Variants in SH3BGRL2 observed in about 807,000 individuals in gnomAD.
SH3BGRL2 encodes SH3 domain-binding glutamic acid-rich-like protein 2.
In SH3BGRL2, 21 loss-of-function variants were observed where a neutral mutation model predicts 14.8. That is an observed-to-expected ratio of 1.42 (90% CI 1.01 to 2.05). The LOEUF (loss-of-function observed/expected upper bound fraction) is 2.05, where lower values mean the gene tolerates loss of function less well. Ranked by LOEUF, SH3BGRL2 falls within the 30% of genes most tolerant of loss-of-function variation. SH3BGRL2 has a pLI of 0.00. For missense variants in SH3BGRL2, 147 were observed against 130.8 expected (o/e 1.12, Z -0.61); for synonymous variants, 50 against 47.8 (o/e 1.05, Z -0.19).
chr6:79,696,296 A>G (rs1003036128), intron 2 of SH3BGRL2, among the ~76,000 whole-genome samples, 189 bp from the exon 3 acceptor site: 28 of 152,208 alleles, frequency 1.8e-4, no homozygotes, highest in African/African-American at 6.3e-4. Context: ...AACTTGTTAC[A>G]TTCTTCATCA....
chr6:79,577,641 C>T, the SH3BGRL2 span, among the ~76,000 whole-genome samples: 7 of 152,040 alleles, frequency 4.6e-5, no homozygotes, highest in African/African-American at 1.7e-4. Context: ...AAAATCTAAA[C>T]AAAGGATGTA....
the SH3BGRL2 span, among the ~76,000 whole-genome samples, chr6:79,607,605 T>C: frequency 3.2e-3 from 487 of 152,268 alleles, 2 homozygotes; most frequent in African/African-American, 0.011. Context: ...TGCCCCTGTA[T>C]TAGTCTGTTC....
chr6:79,641,137 TTCTC>T (rs1182259789), intron 1 of SH3BGRL2, among the ~76,000 whole-genome samples: 1 of 146,800 alleles, frequency 6.8e-6, no homozygotes, highest in African/African-American at 2.5e-5. Context: ...AGCTCAGTGG[TTCTC>T]TCACCCTTTT....
At chr6:79,589,206 A>ATTT in the SH3BGRL2 span, among the ~76,000 whole-genome samples, 887 of 141,404 alleles carry the variant, frequency 6.3e-3, 8 homozygotes, top group Middle Eastern at 0.011. Context: ...ATATATATAT[A>ATTT]TTTTTTTTTT....
At chr6:79,597,003 G>A in the SH3BGRL2 span, among the ~76,000 whole-genome samples, 1 of 152,172 alleles carries the variant, frequency 6.6e-6, no homozygotes, top group African/African-American at 2.4e-5. Flanking sequence ...GCCGAGGCGG[G>A]TGGATCCAGT....
chr6:79,590,903 A>G, the SH3BGRL2 span, among the ~76,000 whole-genome samples: 2 of 152,234 alleles, frequency 1.3e-5, no homozygotes, highest in African/African-American at 4.8e-5. Flanking sequence ...TCCAATGCAG[A>G]GATATCTACT....
intron 1 of SH3BGRL2, among the ~76,000 whole-genome samples, chr6:79,659,520 A>G (rs1371497292): frequency 6.6e-6 from 1 of 152,208 alleles, no homozygotes; most frequent in Non-Finnish European, 1.5e-5. Flanking sequence ...TACCAGTACC[A>G]TGCTGTTTTG....
chr6:79,623,648 A>T, the SH3BGRL2 span, among the ~76,000 whole-genome samples: 1 of 152,204 alleles, frequency 6.6e-6, no homozygotes, highest in East Asian at 1.9e-4. Flanking sequence ...GCTAATGTTA[A>T]GGTGTCTGGT....
Position 79,651,800 on chromosome 6 carries a change from C to T in SH3BGRL2, c.45+20294C>T, listed in dbSNP as rs1200843438. Among the ~76,000 whole-genome samples the T allele has an allele frequency of 2.0e-5, 3 of 152,036 alleles. No homozygotes were observed. In the South Asian group the frequency reaches 6.2e-4, roughly 32 times the overall value. On this transcript the variant is annotated intron_variant, in intron 1 of 3. Coordinates refer to ENST00000369838, the MANE Select transcript of SH3BGRL2 (RefSeq NM_031469.4). ...TTATTACATGCTAGTTTGTGGTGAC[C>T]GTGGGTATAAATGGGAGTTTGGTGA...
At chr6:79,688,690 G>A (rs1770149672) in intron 2 of SH3BGRL2, among the ~76,000 whole-genome samples, 1 of 152,004 alleles carries the variant, frequency 6.6e-6, no homozygotes, top group African/African-American at 2.4e-5. Flanking sequence ...ATGTAAGCCT[G>A]ACAAGTAAAA....
chr6:79,577,400 C>T, the SH3BGRL2 span, among the ~76,000 whole-genome samples: 1 of 152,108 alleles, frequency 6.6e-6, no homozygotes. Context: ...TAGTATTAAA[C>T]TCTTGGCAAA....
At chr6:79,572,931 CTAGTT>C in the SH3BGRL2 span, among the ~76,000 whole-genome samples, 2 of 152,098 alleles carry the variant, frequency 1.3e-5, no homozygotes, top group African/African-American at 4.8e-5. Context: ...AATGTCTTCT[CTAGTT>C]AGTGGTTTGT....
At chr6:79,590,426 TATATATATATATATA>T in the SH3BGRL2 span, among the ~76,000 whole-genome samples, 1 of 55,922 alleles carries the variant, frequency 1.8e-5, no homozygotes. Context: ...GAAAATGTGA[TATATATATATATATA>T]TATATATATA....
At chr6:79,554,370 A>G in the SH3BGRL2 span, among the ~76,000 whole-genome samples, 3 of 152,192 alleles carry the variant, frequency 2.0e-5, no homozygotes, top group African/African-American at 7.2e-5. Flanking sequence ...GTTTTTGCTA[A>G]GGGACATAAT....
At chr6:79,651,823 TGAA>T (rs768007816) in intron 1 of SH3BGRL2, among the ~76,000 whole-genome samples, 1 of 152,098 alleles carries the variant, frequency 6.6e-6, no homozygotes, top group Non-Finnish European at 1.5e-5. Flanking sequence ...GGGAGTTTGG[TGAA>T]GGAGATGATT....
the SH3BGRL2 span, among the ~76,000 whole-genome samples, chr6:79,609,483 A>G: frequency 1.3e-5 from 2 of 151,988 alleles, no homozygotes; most frequent in Non-Finnish European, 2.9e-5. Context: ...GACTCTCTCA[A>G]TTAGAGAAGT....
upstream of SH3BGRL2, among the ~76,000 whole-genome samples, chr6:79,626,730 A>G (rs1325268255): frequency 6.6e-6 from 1 of 152,162 alleles, no homozygotes; most frequent in Non-Finnish European, 1.5e-5. Context: ...GCCAACATGC[A>G]AAAACCAGAA....
the SH3BGRL2 span, among the ~76,000 whole-genome samples, chr6:79,583,780 A>T: frequency 4.3e-3 from 661 of 152,300 alleles, 9 homozygotes; most frequent in African/African-American, 0.015. Flanking sequence ...TTTGGAATTT[A>T]TGCATTTTCC....
chr6:79,631,339 G>A lies in SH3BGRL2; in HGVS notation c.-123G>A, dbSNP rs1165523550. 1.5e-5 allele frequency: 13 copies of A among 869,290 alleles called. No individual in the cohort carries two copies. The highest frequency in any genetic ancestry group is 3.5e-5 in the African/African-American group (2 of 56,574). 53.8% of individuals were successfully genotyped at this position (869,290 alleles called of 1,614,324 possible). On this transcript the variant is annotated 5_prime_UTR_variant, in exon 1 of 4. Transcript: ENST00000369838. ...CGCCGGGAGGGAGCCAGATCCCAGC[G>A]ATCTTCCCCGACGGCAGCGCTTTAC...
Sources: allele counts gnomAD v4.1 joint callset (sites outside exome capture counted in the v4.1 genomes callset), GRCh38; gene constraint gnomAD v4.1.1; transcripts MANE v1.5; gene names NCBI Gene and HGNC (gene_info 2026-07-23, HGNC 2026-07-21).